Variants in ZNF783 observed in about 807,000 individuals in gnomAD.
The protein encoded by ZNF783 is protein ZNF783.
Under a neutral mutation model 31.3 loss-of-function variants are expected in ZNF783, and 25 were observed. That is an observed-to-expected ratio of 0.80 (90% CI 0.58 to 1.11). The LOEUF is 1.11. ZNF783 is among the 50% of genes most tolerant of loss of function. The pLI is 0.00. For synonymous variants in ZNF783, 369 were observed against 319.1 expected (o/e 1.16, Z -1.66); for missense variants, 797 against 760.0 (o/e 1.05, Z -0.57).
chr7:149,264,208 C>A (rs1393187436), intron 1 of ZNF783, among the ~76,000 whole-genome samples: 1 of 152,182 alleles, frequency 6.6e-6, no homozygotes, highest in East Asian at 1.9e-4. Flanking sequence ...CTTCACTGTA[C>A]ATTTACTATG....
At chr7:149,268,642 AGGTT>A (rs1797142944) in intron 4 of ZNF783, among the ~76,000 whole-genome samples, 1 of 152,238 alleles carries the variant, frequency 6.6e-6, no homozygotes, top group African/African-American at 2.4e-5. Context: ...TATTTTTGCC[AGGTT>A]TATGTCAATG....
Position 149,282,287 on chromosome 7 carries a change from C to G in ZNF783, c.1585C>G (p.Pro529Ala), listed in dbSNP as rs1470361305. Residue 529 changes from proline to alanine, a missense_variant, in exon 6 of 6, where the codon CCC becomes GCC. Pro to Ala is a conservative substitution (Grantham distance 27). Coordinates refer to ENST00000434415, the MANE Select transcript of ZNF783 (RefSeq NM_001195220.2). Reference protein sequence around the residue: ...GQVGPHFPAAPARHGSLPLPW... With the variant: ...GQVGPHFPAAAARHGSLPLPW... The stretch of plus-strand genomic sequence containing the variant: ...GGTGGGCCCACACTTCCCTGCCGCC[C>G]CCGCCCGCCACGGGAGCCTGCCCCT... 3.8e-6 allele frequency: 6 copies of G among 1,573,598 alleles called. No homozygotes were observed. The highest frequency in any genetic ancestry group is 3.3e-4 in the Middle Eastern group (2 of 6,010).
chr7:149,265,315 C>T (rs1211657509), intron 1 of ZNF783, among the ~76,000 whole-genome samples: 1 of 151,914 alleles, frequency 6.6e-6, no homozygotes, highest in Admixed American at 6.6e-5. Context: ...GAAGCTTTTT[C>T]CAAGGCACTG....
chr7:149,276,575 C>T lies in ZNF783; in HGVS notation c.674-1824C>T, dbSNP rs1224602331. The T allele has an allele frequency of 4.1e-6, 4 of 985,372 alleles. No homozygotes were observed. In the East Asian group the frequency reaches 3.4e-4, roughly 84 times the overall value. The allele number at this position is 985,372 out of a possible 1,614,324, so 61.0% of individuals were successfully genotyped here. On this transcript the variant is annotated intron_variant, in intron 4 of 5. Transcript: ENST00000434415. ...CATCACTATTTTACCTTTTGATAAC[C>T]TTCTAGCTGGTTTTACCTCTTCTGT... is the stretch of plus-strand genomic sequence containing the variant.
At chr7:149,269,637 T>C (rs1428411352) in intron 4 of ZNF783, among the ~76,000 whole-genome samples, 4 of 152,184 alleles carry the variant, frequency 2.6e-5, no homozygotes, top group Non-Finnish European at 5.9e-5. Context: ...CTTCTGCACA[T>C]GTCTAGCTAG....
At chr7:149,266,150 G>T (rs1351755036) in intron 1 of ZNF783, among the ~76,000 whole-genome samples, 185 bp from the exon 2 acceptor site, 1 of 152,128 alleles carries the variant, frequency 6.6e-6, no homozygotes, top group Non-Finnish European at 1.5e-5. Context: ...ACTATCTCTT[G>T]TATCAGTTAG....
At chr7:149,264,872 C>CA (rs56837970) in intron 1 of ZNF783, among the ~76,000 whole-genome samples, 1,464 of 52,962 alleles carry the variant, frequency 0.028, 133 homozygotes, top group African/African-American at 0.093. Context: ...GACTCCGTCT[C>CA]AAAAAAAAAA....
chr7:149,276,035 G>A (rs951840686), intron 4 of ZNF783, among the ~76,000 whole-genome samples: 6 of 152,088 alleles, frequency 3.9e-5, no homozygotes, highest in East Asian at 1.9e-4. Context: ...AACTACAGGC[G>A]TATGCCACCA....
Position 149,278,541 on chromosome 7 carries a change from G to A in ZNF783, c.802+14G>A. ...GGCCAGAAGCAGGTGAGTGAGGACA[G>A]TGAGGCGGCAGGATGAACAGTGTCC... On this transcript the variant is annotated intron_variant, in intron 5 of 5. Transcript: ENST00000434415. 1 of 1,599,202 alleles carries A rather than the reference G, an allele frequency of 6.3e-7. No individual in the cohort carries two copies. Among genetic ancestry groups the A allele is most frequent in the Non-Finnish European group, 8.5e-7 (1 of 1,179,704 alleles).
chr7:149,276,341 C>T, intron 4 of ZNF783: 11 of 989,224 alleles, frequency 1.1e-5, no homozygotes, highest in Non-Finnish European at 1.3e-5. Flanking sequence ...ATGTGTTTTT[C>T]TTTGTTGTAG....
At position 149,283,935 on chromosome 7, in the gene ZNF783, C is replaced by G. The variant is rs1449913356; in HGVS notation, c.*1592C>G. On this transcript the variant is annotated 3_prime_UTR_variant, in exon 6 of 6. Transcript: ENST00000434415. ...TTATCTTCTGGAGTGAGTGGCAGTT[C>G]CACTGGGTTCAGTGAAAGAGTCGCC... 2.6e-5 allele frequency: 4 copies of G among 152,218 alleles called. No individual in the cohort carries two copies. The highest frequency in any genetic ancestry group is 9.6e-5 in the African/African-American group (4 of 41,456). The allele number at this position is 152,218 out of a possible 1,614,324, so 9.4% of individuals were successfully genotyped here. A position where few individuals can be genotyped will look rare whatever the true frequency, so the allele number is the denominator to read the frequency against.
chr7:149,266,389 C>T lies in ZNF783; in HGVS notation c.79C>T (p.Gln27Ter). ...CCAGAGTCCTTCGACACCCTTGCCC[C>T]AGCCAGCTGCTGAGAAGAACTCGTA... ...EDQSPSTPLPQPAAEKNSYLY... is the reference protein window; with the variant it reads ...EDQSPSTPLP The change falls in exon 2 of 6, where the codon CAG (glutamine) becomes TAG (stop). Residue 27 changes from glutamine (Q) to a stop codon, truncating the protein, a stop_gained. Transcript: ENST00000434415. LOFTEE classifies it high-confidence loss of function. 1.3e-6 allele frequency: 2 copies of T among 1,599,604 alleles called. No homozygotes were observed. The highest frequency in any genetic ancestry group is 1.3e-5 in the African/African-American group (1 of 75,008).
intron 4 of ZNF783, chr7:149,276,806 G>A (rs1797342281): frequency 5.8e-6 from 1 of 171,070 alleles, no homozygotes. Flanking sequence ...CAACTAGCAG[G>A]GACTGCAGTC....
At chr7:149,276,041 C>T (rs984657086) in intron 4 of ZNF783, among the ~76,000 whole-genome samples, 1 of 152,138 alleles carries the variant, frequency 6.6e-6, no homozygotes, top group Admixed American at 6.5e-5. Context: ...AGGCGTATGC[C>T]ACCACACCCA....
At chr7:149,275,074 C>G (rs1797296075) in intron 4 of ZNF783, among the ~76,000 whole-genome samples, 1 of 152,080 alleles carries the variant, frequency 6.6e-6, no homozygotes, top group Non-Finnish European at 1.5e-5. Flanking sequence ...CAATTTCTTG[C>G]ATTAATGTTT....
chr7:149,265,496 C>G (rs2129524746), intron 1 of ZNF783, among the ~76,000 whole-genome samples: 1 of 152,314 alleles, frequency 6.6e-6, no homozygotes, highest in South Asian at 2.1e-4. Context: ...GCTGCCTTCT[C>G]ATTGTATCCT....
intron 5 of ZNF783, among the ~76,000 whole-genome samples, chr7:149,279,632 G>GTTTTTTTTTTTTTTTTTTTTTT (rs764203926): frequency 1.5e-4 from 15 of 100,320 alleles, no homozygotes; most frequent in East Asian, 3.2e-4. Context: ...TTTTATCTTT[G>GTTTTTTTTTTTTTTTTTTTTTT]TTTTTTTTTT....
At chr7:149,270,028 C>T (rs1372452896) in intron 4 of ZNF783, among the ~76,000 whole-genome samples, 1 of 152,116 alleles carries the variant, frequency 6.6e-6, no homozygotes, top group Non-Finnish European at 1.5e-5. Flanking sequence ...GCATAGTATT[C>T]CATGGTGTAT....
chr7:149,267,331 A>G, intron 4 of ZNF783, 109 bp downstream of exon 4: 6 of 1,431,566 alleles, frequency 4.2e-6, no homozygotes, highest in South Asian at 1.4e-5. Context: ...GGGAGCATAG[A>G]CCATTAACCC....
Sources: gnomAD v4.1 joint callset for allele counts (sites outside exome capture counted in the v4.1 genomes callset) on GRCh38, gnomAD v4.1.1 for gene constraint, MANE v1.5 for transcripts, NCBI Gene and HGNC (gene_info 2026-07-23, HGNC 2026-07-21) for gene names.